AADACL4: variants seen among roughly 807,000 people sequenced by gnomAD.
AADACL4 encodes the protein arylacetamide deacetylase like 4.
A neutral mutation model predicts 14.1 loss-of-function variants in AADACL4; 9 were observed. The ratio of observed to expected loss-of-function variants is 0.64; its 90% CI spans 0.39 to 1.12. AADACL4 has a LOEUF of 1.12. Ranked by LOEUF, AADACL4 falls within the 50% of genes most tolerant of loss-of-function variation. The pLI is 0.01. For synonymous variants in AADACL4, 188 were observed against 201.6 expected, an observed-to-expected ratio of 0.93 and a Z score of 0.57; for missense variants, 531 against 516.1, an observed-to-expected ratio of 1.03 and a Z score of -0.28.
intron 1 of AADACL4, 116 bp downstream of exon 1, chr1:12,644,830 A>C: frequency 8.6e-7 from 1 of 1,163,074 alleles, no homozygotes; most frequent in South Asian, 1.5e-5. Context: ...GGACTCCCTC[A>C]AGATAGACTT....
In AADACL4 at chr1:12,665,152, T is replaced by C. The variant is rs1647292178; in HGVS notation, c.450-809T>C. Among the ~76,000 whole-genome samples, 2 of 152,206 alleles carry C rather than the reference T, an allele frequency of 1.3e-5. 1 individual carries two copies. Among genetic ancestry groups the C allele is most frequent in the African/African-American group, 4.8e-5 (2 of 41,446 alleles). ...AAGCAATCCTCCTGCCTCAGCCTCC[T>C]GAGTAACTGAGACTACAAGTGTGTG... On this transcript the variant is annotated intron_variant, in intron 3 of 3. Coordinates refer to ENST00000376221, the MANE Select transcript of AADACL4 (RefSeq NM_001013630.2).
intron 2 of AADACL4, among the ~76,000 whole-genome samples, 195 bp from the exon 3 acceptor site, chr1:12,661,596 A>G (rs959488322): frequency 1.3e-5 from 2 of 152,096 alleles, no homozygotes; most frequent in African/African-American, 4.8e-5. Context: ...TTGAGTCCCA[A>G]AATTCAGGAG....
chr1:12,666,654 CT>C lies in AADACL4; in HGVS notation c.1149del (p.Phe383LeufsTer12), dbSNP rs1437557748. On this transcript the variant is annotated frameshift_variant, in exon 4 of 4. Transcript: ENST00000376221. LOFTEE classifies it low-confidence loss of function (END_TRUNC). The part of the protein sequence containing the change: ...LYDGFHGSII[F>X]FDKKALSFPC... Reference sequence around the variant, plus strand: ...ATGATGGTTTTCACGGATCCATTATCTTTTTTGATAAGAAGGCTCTCTCTTT... The same window carrying C: ...ATGATGGTTTTCACGGATCCATTATCTTTTTGATAAGAAGGCTCTCTCTTT... The C allele has an allele frequency of 4.3e-6, 7 of 1,614,032 alleles. No homozygotes were observed. The highest frequency in any genetic ancestry group is 5.9e-6 in the Non-Finnish European group (7 of 1,180,042).
Position 12,644,476 on chromosome 1 carries a change from C to G in AADACL4, c.-71C>G. On this transcript the variant is annotated 5_prime_UTR_variant, in exon 1 of 4. Transcript: ENST00000376221. ...GGTGGAGGAGGCGGAGGGTGTAACC[C>G]AGCCAGGTCCTCTTCACATAAGCTA... The G allele has an allele frequency of 6.4e-7, 1 of 1,556,468 alleles. No homozygotes were observed. The highest frequency in any genetic ancestry group is 1.2e-5 in the South Asian group (1 of 82,548).
At chr1:12,662,080 G>A (rs1179931818) in intron 3 of AADACL4, among the ~76,000 whole-genome samples, 1 of 152,156 alleles carries the variant, frequency 6.6e-6, no homozygotes, top group South Asian at 2.1e-4. Context: ...GCAACTGTTA[G>A]ATTACATAGC....
intron 3 of AADACL4, among the ~76,000 whole-genome samples, chr1:12,665,363 T>C (rs964292732): frequency 6.6e-6 from 1 of 152,126 alleles, no homozygotes. Flanking sequence ...GCTGGGACTA[T>C]AGGCGCCCGC....
At chr1:12,647,316 C>T (rs1322702434) in intron 1 of AADACL4, among the ~76,000 whole-genome samples, 1 of 152,072 alleles carries the variant, frequency 6.6e-6, no homozygotes, top group Non-Finnish European at 1.5e-5. Flanking sequence ...CAAGGCTGAT[C>T]TTAAACTCCT....
chr1:12,665,909 C>T, intron 3 of AADACL4, 52 bp from the exon 4 acceptor site: 1 of 1,524,964 alleles, frequency 6.6e-7, no homozygotes, highest in East Asian at 2.3e-5. Context: ...GAAACAGCTC[C>T]CTAGCAACAC....
intron 3 of AADACL4, among the ~76,000 whole-genome samples, chr1:12,664,175 T>C (rs1647273734): frequency 6.6e-6 from 1 of 152,170 alleles, no homozygotes; most frequent in Non-Finnish European, 1.5e-5. Flanking sequence ...CCAGAACAAC[T>C]GCATTTGTTT....
chr1:12,663,029 G>A (rs1647253577), intron 3 of AADACL4, among the ~76,000 whole-genome samples: 1 of 152,164 alleles, frequency 6.6e-6, no homozygotes, highest in Admixed American at 6.5e-5. Context: ...ACGGGCCAGG[G>A]CAGTTTTGAT....
Position 12,666,695 on chromosome 1 carries a change from A to C in AADACL4, c.1184A>C (p.Lys395Thr). The C allele has an allele frequency of 1.2e-6, 2 of 1,613,318 alleles. No individual in the cohort carries two copies. Among genetic ancestry groups the C allele is most frequent in the Non-Finnish European group, 1.7e-6 (2 of 1,179,976 alleles). Residue 395 changes from lysine to threonine, a missense_variant, in exon 4 of 4, where the codon AAG (lysine) becomes ACG (threonine). Lys to Thr is a moderately conservative substitution (Grantham distance 78). Coordinates refer to ENST00000376221, the MANE Select transcript of AADACL4 (RefSeq NM_001013630.2). ...GCTCTCTCTTTCCCATGTTCCCTGAAGATTGTGAATGCTGTAGTCAGTTAT... is the reference window on the plus strand; with the variant it reads ...GCTCTCTCTTTCCCATGTTCCCTGACGATTGTGAATGCTGTAGTCAGTTAT... ...KKALSFPCSL[K>T]IVNAVVSYIK...
chr1:12,662,171 T>C (rs1334649058), intron 3 of AADACL4, among the ~76,000 whole-genome samples: 1 of 152,222 alleles, frequency 6.6e-6, no homozygotes, highest in Non-Finnish European at 1.5e-5. Flanking sequence ...TGAATCTTAG[T>C]AGTATAAAAC....
chr1:12,657,830 C>G (rs184044442), intron 2 of AADACL4, among the ~76,000 whole-genome samples: 68 of 152,258 alleles, frequency 4.5e-4, no homozygotes, highest in African/African-American at 1.5e-3. Flanking sequence ...AGGAGAGACT[C>G]AGGTCAAATC....
At chr1:12,652,772 T>TG (rs770856001) in intron 2 of AADACL4, among the ~76,000 whole-genome samples, 69 of 152,254 alleles carry the variant, frequency 4.5e-4, no homozygotes, top group Non-Finnish European at 7.5e-4. Flanking sequence ...CTGTCGCTGG[T>TG]GGGTGTGTGT....
rs1647335435 is a variant in AADACL4, at chr1:12,666,493, G to A, written c.982G>A (p.Ala328Thr). 2 of 1,614,084 alleles carry A rather than the reference G, an allele frequency of 1.2e-6. No homozygotes were observed. Among genetic ancestry groups the A allele is most frequent in the African/African-American group, 1.3e-5 (1 of 74,932 alleles). Residue 328 changes from alanine to threonine, a missense_variant, in exon 4 of 4, where the codon GCA (alanine) becomes ACA (threonine). Coordinates refer to ENST00000376221, the MANE Select transcript of AADACL4 (RefSeq NM_001013630.2). ...MLDVENSPLI[A>T]DDEVIAQLPE... The stretch of plus-strand genomic sequence containing the variant: ...GGATGTAGAAAATTCACCCCTGATA[G>A]CAGATGATGAGGTCATCGCTCAGCT...
intron 1 of AADACL4, among the ~76,000 whole-genome samples, chr1:12,647,090 ATTT>A (rs201579516): frequency 2.3e-5 from 3 of 128,776 alleles, no homozygotes; most frequent in Admixed American, 8.0e-5. Flanking sequence ...AAAAGTGAGG[ATTT>A]TTTTTTTTTT....
At chr1:12,658,584 A>G (rs1044583962) in intron 2 of AADACL4, among the ~76,000 whole-genome samples, 13 of 151,976 alleles carry the variant, frequency 8.6e-5, no homozygotes, top group African/African-American at 3.1e-4. Flanking sequence ...TCCTGTAACC[A>G]CCCTGTGTTA....
chr1:12,667,055 A>C lies in AADACL4; in HGVS notation c.*320A>C. The C allele has an allele frequency of 2.3e-6, 1 of 425,858 alleles. No individual in the cohort carries two copies. The highest frequency in any genetic ancestry group is 4.1e-6 in the Non-Finnish European group (1 of 242,694). The allele number at this position is 425,858 out of a possible 1,614,324, so 26.4% of individuals were successfully genotyped here. A position where few individuals can be genotyped will look rare whatever the true frequency, so the allele number is the denominator to read the frequency against. On this transcript the variant is annotated 3_prime_UTR_variant, in exon 4 of 4. Coordinates refer to ENST00000376221, the MANE Select transcript of AADACL4 (RefSeq NM_001013630.2). Reference sequence around the variant, plus strand: ...AAGCCCCAACATATAAGATCTGTGCAGAATAAATGCCAACAACTGGTCATA... The same window carrying C: ...AAGCCCCAACATATAAGATCTGTGCCGAATAAATGCCAACAACTGGTCATA...
chr1:12,665,686 T>C (rs1016720880), intron 3 of AADACL4, among the ~76,000 whole-genome samples: 5 of 152,306 alleles, frequency 3.3e-5, no homozygotes, highest in South Asian at 2.1e-4. Flanking sequence ...CCAAAGCAAA[T>C]AGCTTCAATG....
Sources: allele counts gnomAD v4.1 joint callset (sites outside exome capture counted in the v4.1 genomes callset), GRCh38; gene constraint gnomAD v4.1.1; transcripts MANE v1.5; gene names NCBI Gene and HGNC (gene_info 2026-07-23, HGNC 2026-07-21).